The following SAMD12 variants were observed in gnomAD, a reference collection of about 807,000 sequenced individuals.
The protein encoded by SAMD12 is sterile alpha motif domain containing 12.
A neutral mutation model predicts 15.0 loss-of-function variants in SAMD12; 9 were observed. The observed-to-expected ratio is 0.60, with a 90% confidence interval of 0.36 to 1.05. The LOEUF is 1.05. Among genes scored for constraint, SAMD12 ranks in the 50% least tolerant of loss-of-function variants. SAMD12 has a pLI of 0.01. For synonymous variants in SAMD12, 86 were observed against 90.1 expected, an observed-to-expected ratio of 0.96 and a Z score of 0.25; for missense variants, 230 against 234.2, an observed-to-expected ratio of 0.98 and a Z score of 0.12.
chr8:118,139,227 A>T, the SAMD12 span, among the ~76,000 whole-genome samples: 1 of 152,108 alleles, frequency 6.6e-6, no homozygotes, highest in Non-Finnish European at 1.5e-5. Context: ...AAAAAAAAAA[A>T]AATAGAAATC....
chr8:118,525,470 C>T (rs1302827449), intron 2 of SAMD12, among the ~76,000 whole-genome samples: 2 of 152,204 alleles, frequency 1.3e-5, no homozygotes, highest in Admixed American at 1.3e-4. Context: ...CTATTTTGCA[C>T]TTGGCCATGT....
the SAMD12 span, among the ~76,000 whole-genome samples, chr8:118,153,528 A>ACCT: frequency 1.3e-5 from 2 of 152,206 alleles, no homozygotes; most frequent in East Asian, 3.9e-4. Context: ...AGAGAGAAAA[A>ACCT]GCCAACTTAC....
intron 4 of SAMD12, among the ~76,000 whole-genome samples, chr8:118,302,304 CATTT>C (rs1815089765): frequency 6.6e-6 from 1 of 152,028 alleles, no homozygotes; most frequent in South Asian, 2.1e-4. Context: ...TAGCCACATT[CATTT>C]AGTTCTTTGC....
chr8:118,155,307 C>T, the SAMD12 span, among the ~76,000 whole-genome samples: 713 of 152,220 alleles, frequency 4.7e-3, 3 homozygotes, highest in Non-Finnish European at 7.2e-3. Flanking sequence ...ATCGAATGCT[C>T]AGAACACACA....
chr8:118,466,270 G>A (rs537062628), intron 2 of SAMD12, among the ~76,000 whole-genome samples: 40 of 152,288 alleles, frequency 2.6e-4, no homozygotes, highest in East Asian at 7.7e-4. Context: ...GGGATCAGGA[G>A]CCAAGACAAA....
intron 3 of SAMD12, among the ~76,000 whole-genome samples, chr8:118,385,696 G>A (rs925141534): frequency 9.9e-5 from 15 of 152,198 alleles, no homozygotes; most frequent in African/African-American, 3.4e-4. Flanking sequence ...CCCTGGTGCT[G>A]CCTGTGTGCT....
At chr8:118,186,345 G>T (rs1819242882), downstream of SAMD12, among the ~76,000 whole-genome samples, 1 of 152,174 alleles carries the variant, frequency 6.6e-6, no homozygotes. Context: ...TAGTGTGTAA[G>T]GTCTCTAAAG....
intron 1 of SAMD12, among the ~76,000 whole-genome samples, chr8:118,599,176 A>C (rs2131295060): frequency 6.6e-6 from 1 of 152,344 alleles, no homozygotes; most frequent in East Asian, 1.9e-4. Flanking sequence ...TTGAACTCAA[A>C]ATGGATGGCG....
At chr8:118,164,550 AT>A in the SAMD12 span, among the ~76,000 whole-genome samples, 11 of 151,942 alleles carry the variant, frequency 7.2e-5, no homozygotes, top group Admixed American at 5.2e-4. Flanking sequence ...AGCTGTTATT[AT>A]TTTTTTATTT....
chr8:118,534,138 G>C (rs189565136), intron 2 of SAMD12, among the ~76,000 whole-genome samples: 4,162 of 152,132 alleles, frequency 0.027, 188 homozygotes, highest in African/African-American at 0.092. Context: ...GGCAGGCCTG[G>C]TGGTGACAAA....
At chr8:118,287,287 G>A (rs1206235642) in intron 4 of SAMD12, among the ~76,000 whole-genome samples, 14 of 119,724 alleles carry the variant, frequency 1.2e-4, no homozygotes, top group East Asian at 5.1e-4. Flanking sequence ...ACTGCGCCCG[G>A]CTAATTTTTT....
chr8:118,384,855 T>C (rs1321447220), intron 3 of SAMD12, among the ~76,000 whole-genome samples: 3 of 152,202 alleles, frequency 2.0e-5, no homozygotes, highest in Non-Finnish European at 4.4e-5. Context: ...AGGCATATCC[T>C]GGCAGAACTT....
In SAMD12 at chr8:118,292,940, T is replaced by C. The variant is rs573308806; in HGVS notation, c.433+86620A>G. ...GGGGGAGGGATAGCACTGGGAGATA[T>C]ACCTAATGCCAGATGACGAGTTAGT... is the stretch of plus-strand genomic sequence containing the variant. On this transcript the variant is annotated intron_variant, in intron 4 of 4. Coordinates refer to the SAMD12 transcript ENST00000409003. Among the ~76,000 whole-genome samples the C allele has an allele frequency of 2.9e-4, 43 of 149,282 alleles. 1 individual carries two copies. The highest frequency in any genetic ancestry group is 9.0e-4 in the African/African-American group (37 of 40,932).
At chr8:118,248,115 G>T (rs1447869851) in intron 4 of SAMD12, among the ~76,000 whole-genome samples, 1 of 152,122 alleles carries the variant, frequency 6.6e-6, no homozygotes, top group Non-Finnish European at 1.5e-5. Flanking sequence ...GAAAGGGACA[G>T]GGTCTCTGGA....
chr8:118,594,288 G>A (rs1232357897), intron 1 of SAMD12, among the ~76,000 whole-genome samples: 1 of 151,940 alleles, frequency 6.6e-6, no homozygotes, highest in Non-Finnish European at 1.5e-5. Context: ...TCAGTGTGAA[G>A]GTCTGTTCTT....
chr8:118,304,759 C>CATAAATAAATAAATAA (rs55985938), intron 4 of SAMD12, among the ~76,000 whole-genome samples: 43 of 141,638 alleles, frequency 3.0e-4, no homozygotes, highest in Admixed American at 5.7e-4. Flanking sequence ...GACTCCATCT[C>CATAAATAAATAAATAA]ATAAATAAAT....
At chr8:118,444,036 C>T (rs73313438) in intron 2 of SAMD12, among the ~76,000 whole-genome samples, 21,662 of 152,214 alleles carry the variant, frequency 0.14, 1,781 homozygotes, top group African/African-American at 0.21. Context: ...CCAACACCTA[C>T]ACTCTCTTCA....
At chr8:118,182,705 C>T in the SAMD12 span, among the ~76,000 whole-genome samples, 1 of 152,124 alleles carries the variant, frequency 6.6e-6, no homozygotes, top group South Asian at 2.1e-4. Context: ...CCTACTAAAG[C>T]CATCTCACCC....
chr8:118,145,291 C>T, the SAMD12 span, among the ~76,000 whole-genome samples: 1 of 152,160 alleles, frequency 6.6e-6, no homozygotes, highest in African/African-American at 2.4e-5. Flanking sequence ...AAAATACTCA[C>T]TTGAAAAATG....
Sources: gnomAD v4.1 joint callset for allele counts (sites outside exome capture counted in the v4.1 genomes callset) on GRCh38, gnomAD v4.1.1 for gene constraint, MANE v1.5 for transcripts, NCBI Gene and HGNC (gene_info 2026-07-23, HGNC 2026-07-21) for gene names.